The following FBN2 variants were observed in gnomAD, a reference collection of about 807,000 sequenced individuals.
The protein encoded by FBN2 is fibrillin 2.
Under a neutral mutation model 355.6 loss-of-function variants are expected in FBN2, and 105 were observed. The ratio of observed to expected loss-of-function variants is 0.30; its 90% confidence interval spans 0.25 to 0.35. FBN2 has a LOEUF of 0.35. Among genes scored for constraint, FBN2 ranks in the 10% least tolerant of loss-of-function variants. The pLI, the probability that FBN2 is intolerant of heterozygous loss-of-function variation, is 1.00. For synonymous variants in FBN2, 1,350 were observed against 1,301.2 expected, an observed-to-expected ratio of 1.04 and a Z score of -0.81; for missense variants, 3,280 against 3,758.7, an observed-to-expected ratio of 0.87 and a Z score of 3.33.
chr5:128,521,225 A>G (rs1756425499), intron 4 of FBN2, among the ~76,000 whole-genome samples: 1 of 152,166 alleles, frequency 6.6e-6, no homozygotes, highest in South Asian at 2.1e-4. Flanking sequence ...AGCGACATGG[A>G]TGAAGGTGGA....
chr5:128,388,745 C>T (rs1022263024), intron 11 of FBN2, among the ~76,000 whole-genome samples: 1 of 152,232 alleles, frequency 6.6e-6, no homozygotes. Context: ...TGACCTGCTC[C>T]TTCTCTTTAG....
intron 6 of FBN2, among the ~76,000 whole-genome samples, chr5:128,449,387 ATAATAGTATACTGTATAAT>A (rs1754164040): frequency 1.1e-5 from 1 of 94,526 alleles, no homozygotes; most frequent in Non-Finnish European, 2.0e-5. Flanking sequence ...AGTATACTAT[ATAATAGTATACTGTATAAT>A]TATATAGTAT....
intron 5 of FBN2, among the ~76,000 whole-genome samples, chr5:128,505,585 TA>T (rs1466513247): frequency 1.3e-5 from 2 of 152,166 alleles, no homozygotes; most frequent in Non-Finnish European, 2.9e-5. Flanking sequence ...CCTTCACTCT[TA>T]CAAGTTACCA....
intron 23 of FBN2, among the ~76,000 whole-genome samples, chr5:128,348,629 A>T (rs1364875516): frequency 1.3e-5 from 2 of 152,154 alleles, no homozygotes; most frequent in Admixed American, 6.5e-5. Flanking sequence ...ATACAAATCT[A>T]TGTAAAGTTC....
At chr5:128,425,532 G>A (rs1753461753) in intron 7 of FBN2, among the ~76,000 whole-genome samples, 1 of 152,096 alleles carries the variant, frequency 6.6e-6, no homozygotes, top group African/African-American at 2.4e-5. Flanking sequence ...GTACATGAAG[G>A]TGTGATCATA....
At chr5:128,408,977 G>A (rs1753002106) in intron 7 of FBN2, among the ~76,000 whole-genome samples, 178 bp from the exon 8 acceptor site, 1 of 152,066 alleles carries the variant, frequency 6.6e-6, no homozygotes, top group Non-Finnish European at 1.5e-5. Context: ...TATGGGAACT[G>A]AGATGAAAGT....
chr5:128,397,615 A>AT (rs1459915688), intron 8 of FBN2, among the ~76,000 whole-genome samples: 1 of 152,226 alleles, frequency 6.6e-6, no homozygotes, highest in Non-Finnish European at 1.5e-5. Flanking sequence ...TTCATGGTGA[A>AT]TTAGCTACCC....
At chr5:128,338,186 G>A (rs552471657) in intron 26 of FBN2, 64 bp from the exon 27 acceptor site, 195 of 1,484,816 alleles carry the variant, frequency 1.3e-4, no homozygotes, top group African/African-American at 8.4e-4. Context: ...CACATACAGC[G>A]TGGGAGAAAG....
intron 26 of FBN2, among the ~76,000 whole-genome samples, chr5:128,338,371 G>C (rs1335065268): frequency 1.3e-5 from 2 of 152,282 alleles, no homozygotes; most frequent in East Asian, 3.9e-4. Flanking sequence ...ACAAGGGGTA[G>C]AAATACATAA....
rs149656428 is a variant in FBN2, at chr5:128,524,309, C to CT, written c.532+3562dup. On this transcript the variant is annotated intron_variant, in intron 4 of 64. Coordinates refer to ENST00000262464, the MANE Select transcript of FBN2 (RefSeq NM_001999.4). ...ACCCCTGATGTAAAATAGCAGACAA[C>CT]TGCTAATCCTGACCCAGACTCTCTC... Among the ~76,000 whole-genome samples, 963 of 152,242 alleles carry CT rather than the reference C, an allele frequency of 6.3e-3. 11 individuals carry two copies. Among genetic ancestry groups the CT allele is most frequent in the African/African-American group, 0.022 (925 of 41,554 alleles).
Position 128,345,517 on chromosome 5 carries a change from C to A in FBN2, c.3057G>T (p.Lys1019Asn), listed in dbSNP as rs863223561. 1 of 1,614,222 alleles carries A rather than the reference C, an allele frequency of 6.2e-7. No homozygotes were observed. The highest frequency in any genetic ancestry group is 1.7e-5 in the Admixed American group (1 of 60,022). The change falls in exon 24 of 65, where the codon AAG becomes AAT. Residue 1019 changes from lysine (K) to asparagine (N), a missense_variant. This residue lies in a region of FBN2 where 2,284 missense variants were observed against 2,749.5 expected (regional missense o/e 0.83). Coordinates refer to ENST00000262464, the MANE Select transcript of FBN2 (RefSeq NM_001999.4). ...EDECIHPVPG[K>N]FRMDACCCAV... Reference sequence around the variant, plus strand: ...CACAGCAGCAGGCATCCATGCGGAACTTTCCAGGAACGGGGTGGATGCATT... The same window carrying A: ...CACAGCAGCAGGCATCCATGCGGAAATTTCCAGGAACGGGGTGGATGCATT...
intron 36 of FBN2, 87 bp from the exon 37 acceptor site, chr5:128,312,882 T>C (rs1348297693): frequency 1.5e-5 from 21 of 1,417,996 alleles, no homozygotes; most frequent in Non-Finnish European, 5.9e-6. Flanking sequence ...AGGATGAAAT[T>C]CAAATTTTGT....
At chr5:128,495,111 A>G (rs1313719291) in intron 5 of FBN2, among the ~76,000 whole-genome samples, 1 of 152,172 alleles carries the variant, frequency 6.6e-6, no homozygotes, top group African/African-American at 2.4e-5. Flanking sequence ...CTATAAAAAG[A>G]ACCAAGTAGA....
At chr5:128,287,521 C>A (rs1003055308) in intron 53 of FBN2, 91 bp from the exon 54 acceptor site, 4 of 1,420,390 alleles carry the variant, frequency 2.8e-6, no homozygotes, top group Non-Finnish European at 3.9e-6. Context: ...GGCGGTCATA[C>A]ACAAAGCAAT....
Position 128,405,117 on chromosome 5 carries a change from G to C in FBN2, c.1078+3557C>G, listed in dbSNP as rs1311999250. The stretch of plus-strand genomic sequence containing the variant: ...ACCAAGGAGGCAGAGGTTGCAGCAA[G>C]CTGAGATGGTGCCACTGCATTCCAA... On this transcript the variant is annotated intron_variant, in intron 8 of 64. Transcript: ENST00000262464. 2.0e-5 allele frequency among the ~76,000 whole-genome samples: 3 copies of C among 152,278 alleles called. No homozygotes were observed. The East Asian group carries it at 5.8e-4, about 29-fold the overall frequency.
chr5:128,259,212 T>C lies in FBN2; in HGVS notation c.*243A>G. 2.0e-6 allele frequency: 1 copy of C among 506,900 alleles called. No individual in the cohort carries two copies. The highest frequency in any genetic ancestry group is 2.5e-5 in the South Asian group (1 of 40,178). The allele number at this position is 506,900 out of a possible 1,614,324, so 31.4% of individuals were successfully genotyped here. On this transcript the variant is annotated 3_prime_UTR_variant, in exon 65 of 65. Transcript: ENST00000262464. ...TTGAACATTTAGGTTTCTTTTAATA[T>C]ATTTTAAAATGAAGTTATATAAAAA...
intron 7 of FBN2, among the ~76,000 whole-genome samples, chr5:128,436,433 T>C (rs747146649): frequency 1.3e-5 from 2 of 152,168 alleles, no homozygotes; most frequent in Non-Finnish European, 2.9e-5. Flanking sequence ...ATATATATTC[T>C]CCAAATGACT....
chr5:128,405,378 T>C (rs1319231070), intron 8 of FBN2, among the ~76,000 whole-genome samples: 2 of 152,074 alleles, frequency 1.3e-5, no homozygotes, highest in African/African-American at 2.4e-5. Context: ...TGGTTAGAGA[T>C]GACTCAGGAA....
chr5:128,504,404 A>C (rs1441743933), intron 5 of FBN2, among the ~76,000 whole-genome samples: 1 of 152,184 alleles, frequency 6.6e-6, no homozygotes, highest in Non-Finnish European at 1.5e-5. Flanking sequence ...CAGGCACTCA[A>C]CACCAGCCCA....
Sources: gnomAD v4.1 joint callset for allele counts (sites outside exome capture counted in the v4.1 genomes callset) on GRCh38, gnomAD v4.1.1 for gene constraint, gnomAD v4.1.1 regional missense constraint, MANE v1.5 for transcripts, NCBI Gene and HGNC (gene_info 2026-07-23, HGNC 2026-07-21) for gene names.